PCDHA2: variants seen among roughly 807,000 people sequenced by gnomAD.
The protein encoded by PCDHA2 is protocadherin alpha 2, also known as protocadherin alpha-2.
Under a neutral mutation model 66.0 loss-of-function variants are expected in PCDHA2, and 58 were observed. The ratio of observed to expected loss-of-function variants is 0.88; its 90% CI spans 0.71 to 1.09. The LOEUF is 1.09. PCDHA2 is among the 50% of genes least tolerant of loss of function. PCDHA2 has a pLI of 0.00. For synonymous variants in PCDHA2, 634 were observed against 554.0 expected, an observed-to-expected ratio of 1.14 and a Z score of -2.03; for missense variants, 1,267 against 1,242.3, an observed-to-expected ratio of 1.02 and a Z score of -0.30.
rs17844287 is a variant in PCDHA2, at chr5:140,821,857, G to T, written c.2388+24505G>T. The T allele has an allele frequency of 9.3e-5, 150 of 1,614,186 alleles. No individual in the cohort carries two copies. The East Asian group carries it at 3.3e-3, about 35-fold the overall frequency. ...CCTTGCCTACTGGAAGGCAGGGAGC[G>T]GCCAGCTCCACTACTCGATCCCGGA... is the stretch of plus-strand genomic sequence containing the variant. On this transcript the variant is annotated intron_variant, in intron 1 of 3. Transcript: ENST00000526136.
chr5:140,938,113 C>CT (rs1337308557), intron 1 of PCDHA2, among the ~76,000 whole-genome samples: 1 of 152,056 alleles, frequency 6.6e-6, no homozygotes, highest in Non-Finnish European at 1.5e-5. Context: ...TACTTTCTCT[C>CT]TTTTTTTAAA....
At chr5:140,821,627 C>G in intron 1 of PCDHA2, 1 of 931,038 alleles carries the variant, frequency 1.1e-6, no homozygotes, top group East Asian at 2.7e-5. Context: ...TTTCCTTAGA[C>G]AGAAAGGAAA....
chr5:140,856,403 G>C, intron 1 of PCDHA2: 1 of 1,598,562 alleles, frequency 6.3e-7, no homozygotes, highest in South Asian at 1.1e-5. Flanking sequence ...TTTCCATGTG[G>C]ACGTGGAAGT....
intron 1 of PCDHA2, chr5:140,854,630 AG>A (rs1201731604): frequency 6.7e-6 from 1 of 150,240 alleles, no homozygotes; most frequent in African/African-American, 2.4e-5. Flanking sequence ...TCTTTAGAAA[AG>A]TCAAAACATC....
intron 1 of PCDHA2, chr5:140,801,585 G>T: frequency 6.2e-7 from 1 of 1,614,216 alleles, no homozygotes; most frequent in Non-Finnish European, 8.5e-7. Flanking sequence ...TAATGACAAC[G>T]CGCCAGTTTT....
intron 1 of PCDHA2, chr5:140,823,024 G>C (rs2150121461): frequency 2.2e-5 from 36 of 1,614,202 alleles, no homozygotes; most frequent in South Asian, 3.3e-5. Context: ...CCGCGAGAGC[G>C]TGTCGGTCTA....
chr5:140,829,811 G>T (rs1554132272), intron 1 of PCDHA2: 1 of 1,613,910 alleles, frequency 6.2e-7, no homozygotes, highest in Non-Finnish European at 8.5e-7. Flanking sequence ...GGGTGGTACT[G>T]GTGGTGCAGT....
In PCDHA2 at chr5:140,823,771, G is replaced by C. The variant is rs2150128985; in HGVS notation, c.2388+26419G>C. The C allele has an allele frequency of 4.5e-5, 73 of 1,613,760 alleles. No homozygotes were observed. The highest frequency in any genetic ancestry group is 6.7e-5 in the African/African-American group (5 of 74,940). On this transcript the variant is annotated intron_variant, in intron 1 of 3. Coordinates refer to ENST00000526136, the MANE Select transcript of PCDHA2 (RefSeq NM_018905.3). ...GCTGACAGCCACAGCCACAGTGCTG[G>C]TGTCGCTGGTGGAAAGTGGCCAGGC... is the stretch of plus-strand genomic sequence containing the variant.
intron 1 of PCDHA2, chr5:140,809,031 C>A (rs1554124952): frequency 5.0e-6 from 8 of 1,613,858 alleles, no homozygotes; most frequent in Non-Finnish European, 6.8e-6. Context: ...CAGCCGGGGA[C>A]TGGTGGCGCG....
chr5:140,869,388 G>C lies in PCDHA2; in HGVS notation c.2388+72036G>C, dbSNP rs529836794. On this transcript the variant is annotated intron_variant, in intron 1 of 3. Transcript: ENST00000526136. Reference sequence around the variant, plus strand: ...ATTCTCGGATCGACCGCGAGGAGCTGTGCGGGCAGAGCGCGGAGTGCAGCA... The same window carrying C: ...ATTCTCGGATCGACCGCGAGGAGCTCTGCGGGCAGAGCGCGGAGTGCAGCA... 3.7e-6 allele frequency: 6 copies of C among 1,614,204 alleles called. No homozygotes were observed. The African/African-American group carries it at 6.7e-5, about 18-fold the overall frequency.
rs143527239 is a variant in PCDHA2, at chr5:140,842,140, C to G, written c.2388+44788C>G. The G allele has an allele frequency of 5.6e-4, 901 of 1,613,016 alleles. 21 individuals are homozygous for G. Among genetic ancestry groups the G allele is most frequent in the Admixed American group, 4.6e-3 (273 of 59,984 alleles). On this transcript the variant is annotated intron_variant, in intron 1 of 3. Coordinates refer to ENST00000526136, the MANE Select transcript of PCDHA2 (RefSeq NM_018905.3). ...ATGCTTCTGATCCGGATGAAGGAGC[C>G]AATGGGGCAATTTCATATTCTTTTA...
chr5:141,000,423 T>C (rs470406), intron 3 of PCDHA2, among the ~76,000 whole-genome samples: 6 of 66,864 alleles, frequency 9.0e-5, no homozygotes, highest in Non-Finnish European at 1.8e-4. Context: ...ATATATATAT[T>C]TTTTTTTTTT....
chr5:140,972,406 A>T (rs75214457), intron 1 of PCDHA2, among the ~76,000 whole-genome samples: 3,555 of 151,374 alleles, frequency 0.023, 73 homozygotes, highest in Middle Eastern at 0.055. Flanking sequence ...CTATTGGCAA[A>T]CCCTGTTAAG....
chr5:141,007,551 GA>G (rs1554261384), intron 3 of PCDHA2, among the ~76,000 whole-genome samples: 1 of 152,140 alleles, frequency 6.6e-6, no homozygotes, highest in African/African-American at 2.4e-5. Flanking sequence ...TTGGGCAACA[GA>G]GCAAGGCTCT....
intron 1 of PCDHA2, chr5:140,876,322 A>G (rs146464308): frequency 6.2e-7 from 1 of 1,614,034 alleles, no homozygotes; most frequent in Non-Finnish European, 8.5e-7. Context: ...GATCAAAATG[A>G]TTTTGCCAGT....
intron 1 of PCDHA2, chr5:140,882,281 T>C (rs1554173360): frequency 6.2e-7 from 1 of 1,612,634 alleles, no homozygotes; most frequent in African/African-American, 1.3e-5. Context: ...GCTGTCTTCC[T>C]GGCAAGGAGG....
chr5:140,838,261 C>T (rs2150150705), intron 1 of PCDHA2, among the ~76,000 whole-genome samples: 1 of 147,022 alleles, frequency 6.8e-6, no homozygotes, highest in African/African-American at 2.5e-5. Context: ...TTAAAGACGC[C>T]AACAACCAAG....
At chr5:140,813,867 C>G (rs1403539115) in intron 1 of PCDHA2, 7 of 152,244 alleles carry the variant, frequency 4.6e-5, no homozygotes, top group African/African-American at 1.4e-4. Context: ...GGTGTGGTGA[C>G]ACACACTTGT....
At chr5:140,926,819 C>G in intron 1 of PCDHA2, 1 of 1,493,950 alleles carries the variant, frequency 6.7e-7, no homozygotes, top group Non-Finnish European at 8.9e-7. Context: ...CTCGTGCTCT[C>G]CAGGAGTCCG....
Sources: gnomAD v4.1 joint callset for allele counts (sites outside exome capture counted in the v4.1 genomes callset) on GRCh38, gnomAD v4.1.1 for gene constraint, MANE v1.5 for transcripts, NCBI Gene and HGNC (gene_info 2026-07-23, HGNC 2026-07-21) for gene names.